Variants in PLAU observed in about 807,000 individuals in gnomAD.
PLAU encodes plasminogen activator, urokinase, also known as urokinase-type plasminogen activator.
A neutral mutation model predicts 48.9 loss-of-function variants in PLAU; 32 were observed. That is an observed-to-expected ratio of 0.65 (90% confidence interval 0.49 to 0.88). The LOEUF is 0.88. PLAU is among the 40% of genes least tolerant of loss of function. The probability of loss-of-function intolerance (pLI) is 0.00; values close to 1 mark genes in which losing one functional copy is unlikely to be tolerated. For missense variants in PLAU, 455 were observed against 545.2 expected (o/e 0.83, Z 1.65); for synonymous variants, 199 against 205.7 (o/e 0.97, Z 0.28).
At chr10:73,913,433 C>T (rs773660601) in intron 6 of PLAU, 52 bp downstream of exon 6, 52 of 1,553,164 alleles carry the variant, frequency 3.3e-5, no homozygotes, top group Non-Finnish European at 4.1e-5. Flanking sequence ...GACAAACTTA[C>T]ATGTCCCCTT....
In PLAU at chr10:73,913,680, G is replaced by T. The variant is rs549461157; in HGVS notation, c.602G>T (p.Arg201Leu). Residue 201 changes from arginine to leucine, a missense_variant, in exon 7 of 11, where the codon CGG becomes CTG. Transcript: ENST00000372764. ...PWFAAIYRRH[R>L]GGSVTYVCGG... ...TTTGCGGCCATCTACAGGAGGCACC[G>T]GGGGGGCTCTGTCACCTACGTGTGT... 1.1e-4 allele frequency: 173 copies of T among 1,612,576 alleles called. 1 individual carries two copies. The South Asian group carries it at 1.7e-3, about 16-fold the overall frequency.
intron 8 of PLAU, 151 bp from the exon 9 acceptor site, chr10:73,914,625 G>C: frequency 1.5e-6 from 1 of 687,184 alleles, no homozygotes; most frequent in East Asian, 2.7e-5. Context: ...CATGGGGCAG[G>C]GGAGGTTTCC....
At chr10:73,912,440 A>G in intron 4 of PLAU, 118 bp downstream of exon 4, 2 of 735,070 alleles carry the variant, frequency 2.7e-6, no homozygotes, top group African/African-American at 1.7e-5. Flanking sequence ...CTTCATCCCT[A>G]TGTGACAAGC....
At chr10:73,911,944 G>A (rs1257163223) in intron 2 of PLAU, 97 bp from the exon 3 acceptor site, 10 of 1,612,532 alleles carry the variant, frequency 6.2e-6, no homozygotes, top group Non-Finnish European at 7.6e-6. Flanking sequence ...AGAGGGAGAG[G>A]GAAGAGTGGG....
At chr10:73,915,011 G>T in intron 9 of PLAU, 95 bp downstream of exon 9, 1 of 1,394,784 alleles carries the variant, frequency 7.2e-7, no homozygotes, top group East Asian at 2.3e-5. Context: ...CAGAGTTAGA[G>T]GTGGGAGCAC....
At chr10:73,915,923 G>A (rs2136191928) in intron 10 of PLAU, among the ~76,000 whole-genome samples, 1 of 152,212 alleles carries the variant, frequency 6.6e-6, no homozygotes, top group South Asian at 2.1e-4. Context: ...GCCAAGCAGG[G>A]GATTTTAAAC....
Position 73,911,134 on chromosome 10 carries a change from AG to A in PLAU, c.-115del, listed in dbSNP as rs2096122844. The A allele has an allele frequency of 4.7e-6, 1 of 213,746 alleles. No individual in the cohort carries two copies. The highest frequency in any genetic ancestry group is 2.4e-5 in the African/African-American group (1 of 42,294). The allele number at this position is 213,746 out of a possible 1,614,324, so 13.2% of individuals were successfully genotyped here. ...GAGCAGGCGCCGCGGGTCGCAGCAC[AG>A]TGCGGAGACCGCAGCCCCGGAGCCC... On this transcript the variant is annotated 5_prime_UTR_variant, in exon 1 of 11. In the 5' UTR this introduces an upstream ATG that the reference lacks. Coordinates refer to ENST00000372764, the MANE Select transcript of PLAU (RefSeq NM_002658.6).
chr10:73,910,862 A>G (rs1234502433), upstream of PLAU: 3 of 152,380 alleles, frequency 2.0e-5, no homozygotes, highest in African/African-American at 7.2e-5. Context: ...TCCTCTCTGC[A>G]ATTCGGGGAC....
rs1591620386 is a variant in PLAU at position 73,916,692 on chromosome 10, G to T, written c.*127G>T. On this transcript the variant is annotated 3_prime_UTR_variant, in exon 11 of 11. Coordinates refer to ENST00000372764, the MANE Select transcript of PLAU (RefSeq NM_002658.6). ...GCTCTGCACAGATGGATTTGCCTGT[G>T]CCACCCACCAGGGCGAACGACAATA... 6 of 799,926 alleles carry T rather than the reference G, an allele frequency of 7.5e-6. No individual in the cohort carries two copies. The Admixed American group carries it at 1.7e-4, about 22-fold the overall frequency. 49.6% of individuals were successfully genotyped at this position (799,926 alleles called of 1,614,324 possible). A position where few individuals can be genotyped will look rare whatever the true frequency, so the allele number is the denominator to read the frequency against.
In PLAU at chr10:73,915,354, A is replaced by T; in HGVS notation, c.1074A>T (p.Lys358Asn). The T allele has an allele frequency of 1.2e-6, 2 of 1,613,706 alleles. No homozygotes were observed. The highest frequency in any genetic ancestry group is 1.7e-6 in the Non-Finnish European group (2 of 1,179,888). ...PHYYGSEVTT[K>N]MLCAADPQWK... Reference sequence around the variant, plus strand: ...ACTACGGCTCTGAAGTCACCACCAAAATGCTGTGTGCTGCTGACCCACAGT... The same window carrying T: ...ACTACGGCTCTGAAGTCACCACCAATATGCTGTGTGCTGCTGACCCACAGT... The change falls in exon 10 of 11, where the codon AAA becomes AAT. Residue 358 changes from lysine (K) to asparagine (N), a missense_variant. By Grantham distance (94) the Lys-to-Asn change is moderately conservative. Coordinates refer to ENST00000372764, the MANE Select transcript of PLAU (RefSeq NM_002658.6).
intron 8 of PLAU, 37 bp downstream of exon 8, chr10:73,914,165 G>C (rs1405128609): frequency 6.2e-7 from 1 of 1,610,032 alleles, no homozygotes; most frequent in African/African-American, 1.3e-5. Flanking sequence ...GGCCATAATG[G>C]CTTGGGGAGA....
chr10:73,915,421 C>T (rs1266002868), intron 10 of PLAU, 22 bp downstream of exon 10: 1 of 1,581,372 alleles, frequency 6.3e-7, no homozygotes, highest in Non-Finnish European at 8.6e-7. Context: ...AAGCATCTCT[C>T]TCCACCTCTT....
At chr10:73,913,191 C>A in intron 5 of PLAU, 93 bp downstream of exon 5, 1 of 1,576,014 alleles carries the variant, frequency 6.3e-7, no homozygotes, top group Non-Finnish European at 8.7e-7. Flanking sequence ...GGCCATAGCA[C>A]AAGAGAAGTG....
rs1428874222 is a variant in PLAU, at chr10:73,916,862, A to G, written c.*297A>G. ...CTGCAGGAGTTAAAAAGGGCAGGGC[A>G]TCTCCTGTGCATGGGTGAAGGGAGA... On this transcript the variant is annotated 3_prime_UTR_variant, in exon 11 of 11. Transcript: ENST00000372764. 1.1e-5 allele frequency: 4 copies of G among 354,576 alleles called. No individual in the cohort carries two copies. The highest frequency in any genetic ancestry group is 8.7e-5 in the Admixed American group (2 of 23,040). The allele number at this position is 354,576 out of a possible 1,614,324, so 22.0% of individuals were successfully genotyped here.
At chr10:73,911,402 C>T in intron 1 of PLAU, 123 bp from the exon 2 acceptor site, 1 of 1,042,530 alleles carries the variant, frequency 9.6e-7, no homozygotes, top group East Asian at 2.6e-5. Flanking sequence ...GTCCGGAGCC[C>T]AGAGAGGAGA....
chr10:73,911,742 A>G (rs1160715969), intron 2 of PLAU, 130 bp downstream of exon 2: 2 of 1,554,030 alleles, frequency 1.3e-6, no homozygotes, highest in Non-Finnish European at 1.7e-6. Context: ...CTCCCCAGGA[A>G]ATGGGACAGG....
chr10:73,916,918 G>T lies in PLAU; in HGVS notation c.*353G>T, dbSNP rs1425689866. Reference sequence around the variant, plus strand: ...CTCCCCCGACGGTGGGCATTTGTGAGGCCCATGGTTGAGAAATGAATAATT... The same window carrying T: ...CTCCCCCGACGGTGGGCATTTGTGATGCCCATGGTTGAGAAATGAATAATT... On this transcript the variant is annotated 3_prime_UTR_variant, in exon 11 of 11. Coordinates refer to ENST00000372764, the MANE Select transcript of PLAU (RefSeq NM_002658.6). 7 of 219,276 alleles carry T rather than the reference G, an allele frequency of 3.2e-5. No homozygotes were observed. In the East Asian group the frequency reaches 7.3e-4, roughly 23 times the overall value. 13.6% of individuals were successfully genotyped at this position (219,276 alleles called of 1,614,324 possible).
intron 10 of PLAU, 63 bp downstream of exon 10, chr10:73,915,462 C>A (rs2096134825): frequency 2.7e-6 from 4 of 1,484,192 alleles, no homozygotes; most frequent in Middle Eastern, 2.5e-4. Context: ...TGGGCTTGTT[C>A]CAGCCAGCTT....
chr10:73,916,429 G>T lies in PLAU; in HGVS notation c.1160G>T (p.Arg387Leu), dbSNP rs867666007. ...CCCCTCGTCTGTTCCCTCCAAGGCC[G>T]CATGACTTTGACTGGAATTGTGAGC... is the stretch of plus-strand genomic sequence containing the variant. ...GGPLVCSLQG[R>L]MTLTGIVSWG... Residue 387 changes from arginine to leucine, a missense_variant, in exon 11 of 11, where the codon CGC becomes CTC. Transcript: ENST00000372764. 1 of 1,613,190 alleles carries T rather than the reference G, an allele frequency of 6.2e-7. No individual in the cohort carries two copies. Among genetic ancestry groups the T allele is most frequent in the Non-Finnish European group, 8.5e-7 (1 of 1,179,602 alleles).
Sources: allele counts gnomAD v4.1 joint callset (sites outside exome capture counted in the v4.1 genomes callset), GRCh38; gene constraint gnomAD v4.1.1; transcripts MANE v1.5; gene names NCBI Gene and HGNC (gene_info 2026-07-23, HGNC 2026-07-21).